The following CSF1R variants were observed in gnomAD, a reference collection of about 807,000 sequenced individuals.
CSF1R encodes the protein colony stimulating factor 1 receptor, also known as macrophage colony-stimulating factor 1 receptor.
CSF1R carries 40 observed loss-of-function variants against 110.0 expected under a neutral mutation model. The observed-to-expected ratio is 0.36, with a 90% CI of 0.28 to 0.47. CSF1R has a LOEUF of 0.47. Among genes scored for constraint, CSF1R ranks in the 20% least tolerant of loss-of-function variants. CSF1R has a pLI of 0.99. For missense variants in CSF1R, 1,052 were observed against 1,253.0 expected (o/e 0.84, Z 2.42); for synonymous variants, 523 against 503.4 (o/e 1.04, Z -0.52).
chr5:150,082,958 C>T (rs991136710), intron 1 of CSF1R, among the ~76,000 whole-genome samples: 2 of 152,154 alleles, frequency 1.3e-5, no homozygotes, highest in African/African-American at 4.8e-5. Flanking sequence ...GTGGGCTTCT[C>T]CCATCCCTTC....
intron 3 of CSF1R, among the ~76,000 whole-genome samples, chr5:150,078,538 C>G (rs1041915932): frequency 6.6e-6 from 1 of 152,182 alleles, no homozygotes; most frequent in Non-Finnish European, 1.5e-5. Flanking sequence ...TGCCTCCCTC[C>G]AAGCCCCCCA....
rs1034925382 is a variant in CSF1R, at chr5:150,073,360, G to A, written c.1023C>T (p.Pro341=). The change falls in exon 6 of 21, where the codon CCC becomes CCT. Residue 341 remains proline (P), a synonymous_variant. Transcript: ENST00000675795. ...LQGFNWTYLG[P]FSDHQPEPKL... is the part of the protein sequence containing the mutation. ...TGGGCTCAGGCTGGTGGTCAGAAAA[G>A]GGTCCCAGGTAGGTCCAGTTAAAAC... The A allele has an allele frequency of 3.1e-6, 5 of 1,613,992 alleles. No individual in the cohort carries two copies. In the African/African-American group the frequency reaches 5.3e-5, roughly 17 times the overall value.
intron 1 of CSF1R, among the ~76,000 whole-genome samples, chr5:150,084,343 AAAAGAAAGAAAGAAAG>A (rs747780303): frequency 2.4e-5 from 2 of 84,452 alleles, no homozygotes; most frequent in Admixed American, 1.4e-4. Context: ...AAAGATAGAA[AAAAGAAAGAAAGAAAG>A]AAAGAAAGAA....
At chr5:150,103,233 G>A (rs917009484) in intron 1 of CSF1R, among the ~76,000 whole-genome samples, 6 of 152,222 alleles carry the variant, frequency 3.9e-5, no homozygotes, top group Non-Finnish European at 7.3e-5. Context: ...ACCATTCCCT[G>A]TGCCCCTTGG....
intron 1 of CSF1R, among the ~76,000 whole-genome samples, chr5:150,101,085 G>A (rs1044766157): frequency 3.3e-5 from 5 of 150,424 alleles, no homozygotes; most frequent in Non-Finnish European, 5.9e-5. Context: ...AAAAAAAAAA[G>A]GTGATACCTA....
At chr5:150,099,389 A>C (rs1759329659) in intron 1 of CSF1R, among the ~76,000 whole-genome samples, 1 of 152,204 alleles carries the variant, frequency 6.6e-6, no homozygotes, top group South Asian at 2.1e-4. Flanking sequence ...AGGCATTCCA[A>C]GTAAAATGGA....
intron 2 of CSF1R, among the ~76,000 whole-genome samples, chr5:150,080,550 T>C (rs73796307): frequency 0.012 from 1,790 of 152,310 alleles, 34 homozygotes; most frequent in African/African-American, 0.04. Flanking sequence ...TGTGTGACCT[T>C]GGATAACCTC....
intron 10 of CSF1R, among the ~76,000 whole-genome samples, chr5:150,065,724 T>C (rs1281239180): frequency 6.6e-6 from 1 of 152,186 alleles, no homozygotes; most frequent in South Asian, 2.1e-4. Context: ...TGAATGGGTG[T>C]AGGGGAGGAG....
Position 150,069,090 on chromosome 5 carries a change from T to C in CSF1R, c.1511-760A>G, listed in dbSNP as rs544214292. Among the ~76,000 whole-genome samples the C allele has an allele frequency of 2.0e-5, 3 of 152,322 alleles. No homozygotes were observed. The South Asian group carries it at 6.2e-4, about 32-fold the overall frequency. On this transcript the variant is annotated intron_variant, in intron 9 of 20. Coordinates refer to ENST00000675795, the MANE Select transcript of CSF1R (RefSeq NM_001288705.3). ...ACAAAATGTTGGCTTTATTATAATA[T>C]ACAACCTCCAGCAGTGAGGCCCAGC...
upstream of CSF1R, among the ~76,000 whole-genome samples, chr5:150,090,791 A>T (rs1250716453): frequency 6.6e-6 from 1 of 152,216 alleles, no homozygotes; most frequent in Non-Finnish European, 1.5e-5. Flanking sequence ...ACGGATATAA[A>T]GATGGAAAGA....
At chr5:150,086,110 T>C (rs1758833718) in intron 1 of CSF1R, among the ~76,000 whole-genome samples, 1 of 152,034 alleles carries the variant, frequency 6.6e-6, no homozygotes, top group Admixed American at 6.5e-5. Flanking sequence ...CACTGAAGCC[T>C]CAAGAGTATC....
intron 10 of CSF1R, among the ~76,000 whole-genome samples, chr5:150,064,282 C>T (rs1388592464): frequency 6.6e-6 from 1 of 152,104 alleles, no homozygotes; most frequent in Admixed American, 6.5e-5. Context: ...TACGTCTATC[C>T]CCTGAATCAA....
intron 6 of CSF1R, among the ~76,000 whole-genome samples, chr5:150,071,874 G>A (rs1758049003): frequency 6.6e-6 from 1 of 152,202 alleles, no homozygotes; most frequent in Non-Finnish European, 1.5e-5. Context: ...AGGAAGATGA[G>A]GACAAGAAAA....
rs188032016 is a variant in CSF1R at position 150,053,953 on chromosome 5, G to A, written c.*116C>T. 91 of 1,058,394 alleles carry A rather than the reference G, an allele frequency of 8.6e-5. No homozygotes were observed. Among genetic ancestry groups the A allele is most frequent in the East Asian group, 2.9e-4 (11 of 38,442 alleles). 65.6% of individuals were successfully genotyped at this position (1,058,394 alleles called of 1,614,324 possible). A position where few individuals can be genotyped will look rare whatever the true frequency, so the allele number is the denominator to read the frequency against. ...CCTTCCCAAGTTTCAGAGCTGGGCC[G>A]AGCTGTTGAGTGAAATGACCGAAGG... is the stretch of plus-strand genomic sequence containing the variant. On this transcript the variant is annotated 3_prime_UTR_variant, in exon 21 of 21. Transcript: ENST00000675795.
intron 7 of CSF1R, 57 bp from the exon 8 acceptor site, chr5:150,070,359 C>G: frequency 6.3e-7 from 1 of 1,598,016 alleles, no homozygotes; most frequent in Non-Finnish European, 8.5e-7. Context: ...TCCCAATCTC[C>G]CAGTACCTAC....
At chr5:150,094,266 A>T in intron 1 of CSF1R, 1 of 1,401,486 alleles carries the variant, frequency 7.1e-7, no homozygotes, top group Non-Finnish European at 9.8e-7. Flanking sequence ...TATGCACTTT[A>T]GAACAGAGCT....
At chr5:150,112,648 A>G (rs1038978761) in intron 1 of CSF1R, among the ~76,000 whole-genome samples, 3 of 152,258 alleles carry the variant, frequency 2.0e-5, no homozygotes, top group Admixed American at 2.0e-4. Context: ...TGCCACAGCT[A>G]GAAGAGAAGT....
At chr5:150,103,389 C>T (rs904475966) in intron 1 of CSF1R, among the ~76,000 whole-genome samples, 1 of 152,204 alleles carries the variant, frequency 6.6e-6, no homozygotes, top group Non-Finnish European at 1.5e-5. Flanking sequence ...CTCGACAGGC[C>T]TCCAGTGATG....
intron 1 of CSF1R, among the ~76,000 whole-genome samples, chr5:150,082,511 A>G (rs1758597840): frequency 6.6e-6 from 1 of 152,262 alleles, no homozygotes; most frequent in Non-Finnish European, 1.5e-5. Context: ...TATGCAGTGC[A>G]ACTGCCAGGA....
Sources: gnomAD v4.1 joint callset for allele counts (sites outside exome capture counted in the v4.1 genomes callset) on GRCh38, gnomAD v4.1.1 for gene constraint, MANE v1.5 for transcripts, NCBI Gene and HGNC (gene_info 2026-07-23, HGNC 2026-07-21) for gene names.